PLXDC2: variants seen among roughly 807,000 people sequenced by gnomAD.
PLXDC2 encodes plexin domain-containing protein 2.
PLXDC2 carries 40 observed loss-of-function variants against 68.9 expected under a neutral mutation model. The observed-to-expected ratio is 0.58, with a 90% CI of 0.45 to 0.76. The LOEUF is 0.76. Ranked by LOEUF, PLXDC2 falls within the 30% of genes least tolerant of loss-of-function variation. PLXDC2 has a pLI of 0.00. For synonymous variants in PLXDC2, 243 were observed against 234.2 expected, an observed-to-expected ratio of 1.04 and a Z score of -0.34; for missense variants, 644 against 661.9, an observed-to-expected ratio of 0.97 and a Z score of 0.30.
chr10:19,989,974 T>C (rs1834719166), intron 1 of PLXDC2, among the ~76,000 whole-genome samples: 2 of 152,052 alleles, frequency 1.3e-5, no homozygotes, highest in African/African-American at 4.8e-5. Flanking sequence ...GTTCTCAAAC[T>C]CCTGACCTCC....
intron 4 of PLXDC2, among the ~76,000 whole-genome samples, chr10:20,120,450 G>A (rs932352129): frequency 2.0e-3 from 289 of 141,442 alleles, no homozygotes; most frequent in Admixed American, 2.9e-3. Flanking sequence ...TGAATACTAA[G>A]AGCCTGAAAA....
At chr10:20,028,091 G>T (rs1438277771) in intron 2 of PLXDC2, among the ~76,000 whole-genome samples, 1 of 152,172 alleles carries the variant, frequency 6.6e-6, no homozygotes, top group Non-Finnish European at 1.5e-5. Flanking sequence ...GTCTTGGCTT[G>T]GGCATGGTCA....
At chr10:20,141,849 A>C (rs959209549) in intron 4 of PLXDC2, among the ~76,000 whole-genome samples, 1 of 152,086 alleles carries the variant, frequency 6.6e-6, no homozygotes, top group Non-Finnish European at 1.5e-5. Context: ...TTAAAGCATC[A>C]GGTATTTGTT....
At chr10:20,148,153 A>G (rs1424693395) in intron 6 of PLXDC2, among the ~76,000 whole-genome samples, 2 of 152,180 alleles carry the variant, frequency 1.3e-5, no homozygotes, top group East Asian at 1.9e-4. Context: ...GAGTAATTAT[A>G]TTGACTAATT....
At position 20,210,644 on chromosome 10, in the gene PLXDC2, A is replaced by C. The variant is rs1440580484; in HGVS notation, c.1062-1025A>C. 3.9e-5 allele frequency among the ~76,000 whole-genome samples: 6 copies of C among 152,274 alleles called. No homozygotes were observed. The East Asian group carries it at 9.7e-4, about 25-fold the overall frequency. ...TACTCGGGTTCCATGATTCACTAGA[A>C]AGACTCGCAGAACTCAGAAAAGCTG... On this transcript the variant is annotated intron_variant, in intron 9 of 13. Transcript: ENST00000377252.
At chr10:19,820,622 C>T (rs1027160865) in intron 1 of PLXDC2, among the ~76,000 whole-genome samples, 6 of 131,670 alleles carry the variant, frequency 4.6e-5, no homozygotes, top group Non-Finnish European at 7.7e-5. Flanking sequence ...GCCTGGGCGA[C>T]AGAGCGAGAC....
At chr10:19,976,852 T>C (rs1265077495) in intron 1 of PLXDC2, among the ~76,000 whole-genome samples, 4 of 152,048 alleles carry the variant, frequency 2.6e-5, no homozygotes, top group Non-Finnish European at 5.9e-5. Context: ...CTTGTCCTTA[T>C]TTTTTCCGTT....
Position 19,889,250 on chromosome 10 carries a change from A to G in PLXDC2, c.112+72059A>G, listed in dbSNP as rs146211480. ...TATTTTTCTTCAAATTCATATGACAAGCTCTGTCTCTTCTTTTCATTGCCG... is the reference window on the plus strand; with the variant it reads ...TATTTTTCTTCAAATTCATATGACAGGCTCTGTCTCTTCTTTTCATTGCCG... On this transcript the variant is annotated intron_variant, in intron 1 of 13. Coordinates refer to ENST00000377252, the MANE Select transcript of PLXDC2 (RefSeq NM_032812.9). Among the ~76,000 whole-genome samples the G allele has an allele frequency of 3.3e-3, 502 of 152,030 alleles. 2 individuals carry two copies. The highest frequency in any genetic ancestry group is 5.0e-3 in the Non-Finnish European group (340 of 67,978).
chr10:20,244,805 GC>G (rs939378309), intron 12 of PLXDC2, among the ~76,000 whole-genome samples: 4 of 152,110 alleles, frequency 2.6e-5, no homozygotes, highest in African/African-American at 9.7e-5. Context: ...TATTCATTTT[GC>G]TTATCAAACT....
rs532670528 is a variant in PLXDC2 at position 19,904,865 on chromosome 10, A to T, written c.112+87674A>T. Among the ~76,000 whole-genome samples, 131 of 152,318 alleles carry T rather than the reference A, an allele frequency of 8.6e-4. 2 individuals are homozygous for T. The highest frequency in any genetic ancestry group is 1.4e-3 in the Non-Finnish European group (97 of 68,032). On this transcript the variant is annotated intron_variant, in intron 1 of 13. Transcript: ENST00000377252. ...AATAAGTAAGAATCCTAAATTTGAG[A>T]TGCCATCTTTGAAAGCTATAAACTA...
At chr10:19,858,196 C>T (rs1396600489) in intron 1 of PLXDC2, among the ~76,000 whole-genome samples, 1 of 152,156 alleles carries the variant, frequency 6.6e-6, no homozygotes, top group African/African-American at 2.4e-5. Flanking sequence ...AAGCAAAAAT[C>T]TCCCTCGGGT....
intron 2 of PLXDC2, among the ~76,000 whole-genome samples, chr10:20,026,590 T>C (rs1246391145): frequency 1.3e-5 from 2 of 152,076 alleles, no homozygotes; most frequent in Non-Finnish European, 2.9e-5. Flanking sequence ...TGCCATATTC[T>C]AGACCAATTA....
intron 7 of PLXDC2, among the ~76,000 whole-genome samples, chr10:20,172,638 C>T (rs1399623469): frequency 1.3e-5 from 2 of 152,052 alleles, no homozygotes; most frequent in Non-Finnish European, 2.9e-5. Context: ...ATTTCAAGTC[C>T]AGGGCAAAGT....
chr10:20,166,922 T>C (rs1286334699), intron 7 of PLXDC2, among the ~76,000 whole-genome samples: 2 of 152,100 alleles, frequency 1.3e-5, no homozygotes, highest in Non-Finnish European at 2.9e-5. Context: ...ATTGGCAACA[T>C]TTATATGAAT....
At chr10:20,147,003 C>A (rs1834089431) in intron 5 of PLXDC2, among the ~76,000 whole-genome samples, 1 of 151,872 alleles carries the variant, frequency 6.6e-6, no homozygotes, top group Non-Finnish European at 1.5e-5. Context: ...CAGCTCATTT[C>A]TTTTCTTTTT....
chr10:20,279,794 G>T lies in PLXDC2; in HGVS notation c.1565G>T (p.Gly522Val), dbSNP rs761105492. The T allele has an allele frequency of 1.2e-6, 2 of 1,613,786 alleles. No homozygotes were observed. The highest frequency in any genetic ancestry group is 8.5e-7 in the Non-Finnish European group (1 of 1,179,898). Reference protein sequence around the residue: ...AEVEPVGEKEGFIVSEQC With the variant: ...AEVEPVGEKEVFIVSEQC Reference sequence around the variant, plus strand: ...GTTGAACCAGTTGGAGAGAAAGAAGGCTTTATTGTATCAGAGCAGTGCTAA... The same window carrying T: ...GTTGAACCAGTTGGAGAGAAAGAAGTCTTTATTGTATCAGAGCAGTGCTAA... The change falls in exon 14 of 14, where the codon GGC becomes GTC. Residue 522 changes from glycine to valine, a missense_variant. By Grantham distance (109) the Gly-to-Val change is moderately radical. This residue lies in a region of PLXDC2 where 330 missense variants were observed against 327.9 expected (regional missense o/e 1.01). Coordinates refer to ENST00000377252, the MANE Select transcript of PLXDC2 (RefSeq NM_032812.9).
At chr10:19,894,277 CTTT>C (rs1251867489) in intron 1 of PLXDC2, among the ~76,000 whole-genome samples, 1 of 143,204 alleles carries the variant, frequency 7.0e-6, no homozygotes, top group East Asian at 2.0e-4. Flanking sequence ...TGATGTTTTC[CTTT>C]TTTTTTTTTT....
chr10:19,984,480 AGCATTTT>A (rs1329916602), intron 1 of PLXDC2, among the ~76,000 whole-genome samples: 1 of 152,246 alleles, frequency 6.6e-6, no homozygotes, highest in Non-Finnish European at 1.5e-5. Context: ...TTTGTCTCAG[AGCATTTT>A]GCTTTTCCTC....
chr10:20,268,833 G>T (rs1835901382), intron 13 of PLXDC2, among the ~76,000 whole-genome samples: 1 of 152,168 alleles, frequency 6.6e-6, no homozygotes, highest in African/African-American at 2.4e-5. Flanking sequence ...TCAGTCACCA[G>T]GCAGCGGTGA....
Sources: allele counts gnomAD v4.1 joint callset (sites outside exome capture counted in the v4.1 genomes callset), GRCh38; gene constraint gnomAD v4.1.1; regional missense constraint gnomAD v4.1.1; transcripts MANE v1.5; gene names NCBI Gene and HGNC (gene_info 2026-07-23, HGNC 2026-07-21).